RASL12: variants seen among roughly 807,000 people sequenced by gnomAD.
The protein encoded by RASL12 is ras-like protein family member 12.
In RASL12, 16 loss-of-function variants were observed where a neutral mutation model predicts 22.9. The ratio of observed to expected loss-of-function variants is 0.70; its 90% CI spans 0.47 to 1.06. The LOEUF is 1.06. RASL12 is among the 50% of genes least tolerant of loss of function. The pLI is 0.00. For missense variants in RASL12, 306 were observed against 353.1 expected (o/e 0.87, Z 1.07); for synonymous variants, 159 against 152.2 (o/e 1.04, Z -0.33).
intron 1 of RASL12, among the ~76,000 whole-genome samples, chr15:65,067,279 G>C (rs2086889203): frequency 6.6e-6 from 1 of 152,076 alleles, no homozygotes; most frequent in South Asian, 2.1e-4. Context: ...GCTCAAAGAG[G>C]CGCCTTGGGT....
chr15:65,055,073 C>G lies in RASL12; in HGVS notation c.627G>C (p.Pro209=), dbSNP rs2232761. 2 of 1,612,354 alleles carry G rather than the reference C, an allele frequency of 1.2e-6. No individual in the cohort carries two copies. The highest frequency in any genetic ancestry group is 1.3e-5 in the African/African-American group (1 of 74,902). Residue 209 remains proline, a synonymous_variant, in exon 5 of 5, where the codon CCG becomes CCC. Transcript: ENST00000220062. ...SEERALPHQA[P]LTARHGLASC... ...TGGCCAGCCCATGCCGCGCGGTGAG[C>G]GGGGCCTGGTGGGGCAGGGCCCTCT...
Position 65,054,083 on chromosome 15 carries a change from G to A in RASL12, c.*816C>T, listed in dbSNP as rs1332142194. On this transcript the variant is annotated 3_prime_UTR_variant, in exon 5 of 5. Transcript: ENST00000220062. ...GGTCTGATGCTGCTGTGGGCTCCCT[G>A]GAGCCCTGGGTAACTCACTGGAGTG... 1.0e-6 allele frequency: 1 copy of A among 985,818 alleles called. No individual in the cohort carries two copies. The highest frequency in any genetic ancestry group is 1.2e-6 in the Non-Finnish European group (1 of 830,008). The allele number at this position is 985,818 out of a possible 1,614,324, so 61.1% of individuals were successfully genotyped here.
chr15:65,066,510 T>TA (rs58244368), intron 1 of RASL12, among the ~76,000 whole-genome samples: 2,565 of 145,302 alleles, frequency 0.018, 71 homozygotes, highest in African/African-American at 0.06. Context: ...GACACTGTCT[T>TA]AAAAAAAAAA....
intron 4 of RASL12, among the ~76,000 whole-genome samples, chr15:65,055,843 C>T (rs563573317): frequency 6.6e-6 from 1 of 152,280 alleles, no homozygotes; most frequent in South Asian, 2.1e-4. Context: ...CAAGCCCTCA[C>T]AATGACAAAG....
chr15:65,068,083 C>G (rs1195759888), upstream of RASL12: 2 of 1,061,524 alleles, frequency 1.9e-6, no homozygotes, highest in African/African-American at 1.7e-5. The surrounding 1 kb of genome is among the most constrained non-coding windows in gnomAD (Gnocchi z 4.2). Context: ...CGGAGCCCCC[C>G]GCGGGGCGCG....
downstream of RASL12, chr15:65,050,160 T>G (rs1595900174): frequency 7.1e-7 from 1 of 1,417,730 alleles, no homozygotes; most frequent in South Asian, 1.3e-5. Flanking sequence ...CAGAGCAGAG[T>G]TTGGCTGAAG....
chr15:65,051,442 G>A, downstream of RASL12: 4 of 1,429,716 alleles, frequency 2.8e-6, no homozygotes, highest in Non-Finnish European at 9.9e-7. Context: ...TCTGAGCCCA[G>A]GCCCCAGCTG....
chr15:65,053,261 G>A, downstream of RASL12: 1 of 1,473,946 alleles, frequency 6.8e-7, no homozygotes, highest in East Asian at 2.4e-5. Context: ...CTCCCAAGAA[G>A]CCGCTTTTTT....
At chr15:65,068,286 T>A, upstream of RASL12, 1 of 985,192 alleles carries the variant, frequency 1.0e-6, no homozygotes, top group South Asian at 4.7e-5. This position sits in a 1 kb window ranked among gnomAD's most constrained non-coding sequence, Gnocchi z 4.2. Context: ...TCCCACTCAA[T>A]CTCTTTTCAC....
At chr15:65,076,332 G>A (rs990183466) in intron 1 of RASL12, among the ~76,000 whole-genome samples, 1 of 152,074 alleles carries the variant, frequency 6.6e-6, no homozygotes, top group African/African-American at 2.4e-5. Flanking sequence ...AGGCCAGCGA[G>A]ACCACAAGCC....
chr15:65,070,667 C>T (rs2086925306), upstream of RASL12, among the ~76,000 whole-genome samples: 1 of 152,172 alleles, frequency 6.6e-6, no homozygotes, highest in Non-Finnish European at 1.5e-5. Context: ...CACGTAGGGC[C>T]TGTGAGGTTT....
chr15:65,053,755 G>A lies in RASL12; in HGVS notation c.*1144C>T, dbSNP rs1264681869. The A allele has an allele frequency of 2.0e-6, 2 of 986,264 alleles. No homozygotes were observed. The highest frequency in any genetic ancestry group is 4.7e-5 in the South Asian group (1 of 21,310). The allele number at this position is 986,264 out of a possible 1,614,324, so 61.1% of individuals were successfully genotyped here. On this transcript the variant is annotated 3_prime_UTR_variant, in exon 5 of 5. Coordinates refer to ENST00000220062, the MANE Select transcript of RASL12 (RefSeq NM_016563.4). ...AGACTTCCCTGGGACCTGGCGTGTG[G>A]TAAACAAAATCAGACAACTACCACA...
At chr15:65,047,838 A>C in the RASL12 span, among the ~76,000 whole-genome samples, 2 of 138,938 alleles carry the variant, frequency 1.4e-5, no homozygotes, top group African/African-American at 2.9e-5. Flanking sequence ...GATAGATAGA[A>C]TCTCCCTCAA....
downstream of RASL12, chr15:65,049,452 G>C (rs1241438676): frequency 6.6e-6 from 1 of 152,154 alleles, no homozygotes; most frequent in African/African-American, 2.4e-5. Context: ...TGTGTCGTAG[G>C]CGTGCCAATC....
Position 65,058,549 on chromosome 15 carries a change from G to A in RASL12, c.303C>T (p.Asp101=), listed in dbSNP as rs2086762381. 1.2e-6 allele frequency: 2 copies of A among 1,611,434 alleles called. No homozygotes were observed. Among genetic ancestry groups the A allele is most frequent in the African/African-American group, 1.3e-5 (1 of 75,030 alleles). ...AHAFLVVYSV[D]SRQSFDSSSS... ...TGCTGCTATCAAAGCTCTGGCGGCT[G>A]TCGACGCTGTACACCACCAGGAAGG... The change falls in exon 4 of 5, where the codon GAC becomes GAT. Residue 101 remains aspartate (D), a synonymous_variant. Transcript: ENST00000220062.
Position 65,054,869 on chromosome 15 carries a change from A to G in RASL12, c.*30T>C, listed in dbSNP as rs781396562. 5.1e-5 allele frequency: 81 copies of G among 1,587,274 alleles called. No homozygotes were observed. Among genetic ancestry groups the G allele is most frequent in the Non-Finnish European group, 6.9e-5 (80 of 1,164,802 alleles). The stretch of plus-strand genomic sequence containing the variant: ...TGTCCTGCTGCAGTCCTGTCCAGCC[A>G]CCGAGCCTAGGCTTCCTGGGGAGGG... On this transcript the variant is annotated 3_prime_UTR_variant, in exon 5 of 5. Transcript: ENST00000220062.
At chr15:65,064,867 T>C (rs961693740) in intron 2 of RASL12, among the ~76,000 whole-genome samples, 1 of 152,256 alleles carries the variant, frequency 6.6e-6, no homozygotes, top group African/African-American at 2.4e-5. Flanking sequence ...GTGCTGAGAT[T>C]ACAGGCATTA....
downstream of RASL12, chr15:65,051,540 TGCCCTGGCA>T (rs1436559927): frequency 6.2e-7 from 1 of 1,613,714 alleles, no homozygotes; most frequent in Non-Finnish European, 8.5e-7. Context: ...ATTCCATCCT[TGCCCTGGCA>T]GCTGTGGTGG....
chr15:65,064,551 A>C (rs1297933608), intron 2 of RASL12, among the ~76,000 whole-genome samples: 2 of 152,206 alleles, frequency 1.3e-5, no homozygotes, highest in African/African-American at 4.8e-5. Flanking sequence ...GGTTTTCTGG[A>C]AGAGAACACT....
Sources: gnomAD v4.1 joint callset for allele counts (sites outside exome capture counted in the v4.1 genomes callset) on GRCh38, gnomAD v4.1.1 for gene constraint, Gnocchi (gnomAD v3.1) non-coding constraint, MANE v1.5 for transcripts, NCBI Gene and HGNC (gene_info 2026-07-23, HGNC 2026-07-21) for gene names.